The following FHIT variants were observed in gnomAD, a reference collection of about 807,000 sequenced individuals.
FHIT encodes the protein bis(5'-adenosyl)-triphosphatase.
Under a neutral mutation model 17.9 loss-of-function variants are expected in FHIT, and 19 were observed. That is an observed-to-expected ratio of 1.06 (90% CI 0.74 to 1.56). The LOEUF (loss-of-function observed/expected upper bound fraction) is 1.56, where lower values mean the gene tolerates loss of function less well. Ranked by LOEUF, FHIT falls within the 40% of genes most tolerant of loss-of-function variation. The pLI is 0.00. For synonymous variants in FHIT, 81 were observed against 69.7 expected, an observed-to-expected ratio of 1.16 and a Z score of -0.81; for missense variants, 248 against 189.2, an observed-to-expected ratio of 1.31 and a Z score of -1.82.
At chr3:60,190,339 GGAGT>G (rs1702345723) in intron 5 of FHIT, among the ~76,000 whole-genome samples, 1 of 151,650 alleles carries the variant, frequency 6.6e-6, no homozygotes, top group South Asian at 2.1e-4. Context: ...CCAGAGAGTG[GGAGT>G]GAGATGAGAC....
intron 2 of FHIT, among the ~76,000 whole-genome samples, chr3:61,195,966 A>C (rs1233372985): frequency 6.6e-6 from 1 of 152,138 alleles, no homozygotes; most frequent in Non-Finnish European, 1.5e-5. Context: ...CATAACAAAT[A>C]CCATTCGGCT....
Position 60,122,211 on chromosome 3 carries a change from A to G in FHIT, c.104-108059T>C, listed in dbSNP as rs1010154569. Reference sequence around the variant, plus strand: ...ATTACTCTAGAAAGAAGTGTTCAGCATTCTAATAAAAACATTATATTAGTA... The same window carrying G: ...ATTACTCTAGAAAGAAGTGTTCAGCGTTCTAATAAAAACATTATATTAGTA... On this transcript the variant is annotated intron_variant, in intron 5 of 9. Transcript: ENST00000492590. Among the ~76,000 whole-genome samples, 18 of 152,198 alleles carry G rather than the reference A, an allele frequency of 1.2e-4. 1 individual carries two copies. Among genetic ancestry groups the G allele is most frequent in the Non-Finnish European group, 5.9e-5 (4 of 68,044 alleles).
At chr3:60,537,358 A>T in intron 4 of FHIT, 1 of 487,024 alleles carries the variant, frequency 2.1e-6, no homozygotes, top group Non-Finnish European at 2.7e-6. Context: ...GAAAATTTTC[A>T]TTAAGTATTA....
At chr3:59,799,723 T>G (rs1427926977) in intron 8 of FHIT, among the ~76,000 whole-genome samples, 2 of 152,238 alleles carry the variant, frequency 1.3e-5, no homozygotes, top group African/African-American at 2.4e-5. Context: ...AACTTGGGAT[T>G]CACTATTCCT....
intron 5 of FHIT, among the ~76,000 whole-genome samples, chr3:60,468,426 T>G (rs934573873): frequency 1.3e-5 from 2 of 152,140 alleles, no homozygotes; most frequent in African/African-American, 4.8e-5. Context: ...TCAAGTGATA[T>G]GTTTTTATTG....
At chr3:60,550,017 G>C (rs1191924942) in intron 4 of FHIT, among the ~76,000 whole-genome samples, 1 of 152,112 alleles carries the variant, frequency 6.6e-6, no homozygotes, top group African/African-American at 2.4e-5. Context: ...ACCAACTGGA[G>C]AGTAGGTTTC....
chr3:60,095,640 T>A (rs774120446), intron 5 of FHIT, among the ~76,000 whole-genome samples: 1 of 152,172 alleles, frequency 6.6e-6, no homozygotes, highest in Non-Finnish European at 1.5e-5. Context: ...AGGGACTGAA[T>A]CCGGTTCTCA....
chr3:60,415,036 G>T (rs1702193387), intron 5 of FHIT, among the ~76,000 whole-genome samples: 1 of 152,156 alleles, frequency 6.6e-6, no homozygotes, highest in Non-Finnish European at 1.5e-5. Context: ...GGAATCAGAT[G>T]AAGTGAGGCC....
At chr3:60,011,959 C>A (rs1248660929) in intron 6 of FHIT, among the ~76,000 whole-genome samples, 1 of 152,164 alleles carries the variant, frequency 6.6e-6, no homozygotes, top group Non-Finnish European at 1.5e-5. Flanking sequence ...AATGGGCAAA[C>A]TCACCAAGTC....
intron 5 of FHIT, among the ~76,000 whole-genome samples, chr3:60,438,131 C>T (rs1433294964): frequency 1.3e-5 from 2 of 152,074 alleles, no homozygotes; most frequent in African/African-American, 2.4e-5. Context: ...TAAGCCCCAG[C>T]ATTTGCACCG....
chr3:60,699,525 G>T (rs1553701482), intron 4 of FHIT, among the ~76,000 whole-genome samples: 1 of 152,046 alleles, frequency 6.6e-6, no homozygotes, highest in Non-Finnish European at 1.5e-5. Flanking sequence ...TCATTATTCA[G>T]ATACGTTTCA....
intron 2 of FHIT, among the ~76,000 whole-genome samples, chr3:61,060,821 G>C (rs138854880): frequency 2.0e-5 from 3 of 152,192 alleles, no homozygotes; most frequent in Non-Finnish European, 4.4e-5. Context: ...TTACAGCCTG[G>C]CTGGCTTTTC....
intron 7 of FHIT, among the ~76,000 whole-genome samples, chr3:59,986,540 T>TATATATATACACACACACAC (rs1473518719): frequency 4.0e-4 from 5 of 12,412 alleles, no homozygotes; most frequent in African/African-American, 7.1e-4. Context: ...TATATATATA[T>TATATATATACACACACACAC]ACACACACAC....
intron 4 of FHIT, among the ~76,000 whole-genome samples, chr3:60,630,641 G>A (rs191426724): frequency 7.9e-5 from 12 of 151,990 alleles, no homozygotes; most frequent in Admixed American, 2.6e-4. Flanking sequence ...TGAGCCTTAC[G>A]CCATCCCTGA....
intron 3 of FHIT, among the ~76,000 whole-genome samples, chr3:60,863,218 G>A (rs1172386226): frequency 1.3e-5 from 2 of 152,172 alleles, no homozygotes; most frequent in African/African-American, 2.4e-5. Context: ...GTGGAGCCCT[G>A]CCTAACAGAC....
rs542720707 is a variant in FHIT, at chr3:60,492,609, C to T, written c.103+44251G>A. ...GCAACCGCCACCTCCCAGGTTCAAG[C>T]GATTCGCCTGCCTCAGTCTCCCAAG... On this transcript the variant is annotated intron_variant, in intron 5 of 9. Transcript: ENST00000492590. Among the ~76,000 whole-genome samples, 117 of 151,206 alleles carry T rather than the reference C, an allele frequency of 7.7e-4. 1 individual carries two copies. The South Asian group carries it at 0.017, about 22-fold the overall frequency.
Position 59,810,194 on chromosome 3 carries a change from G to A in FHIT, c.349-57873C>T, listed in dbSNP as rs140302630. 1.8e-4 allele frequency among the ~76,000 whole-genome samples: 28 copies of A among 152,224 alleles called. No individual in the cohort carries two copies. The Middle Eastern group carries it at 0.027, about 149-fold the overall frequency. ...TGAAAGCCATCGTCATTTGTGTGAG[G>A]AGGAGTACTGGAGGAGCTGTCTTAC... On this transcript the variant is annotated intron_variant, in intron 8 of 9. Transcript: ENST00000492590.
chr3:60,111,504 G>C (rs966695928), intron 5 of FHIT, among the ~76,000 whole-genome samples: 3 of 152,154 alleles, frequency 2.0e-5, no homozygotes, highest in African/African-American at 7.2e-5. Context: ...GTTTCTTCCA[G>C]CAATGTAATT....
intron 2 of FHIT, among the ~76,000 whole-genome samples, chr3:61,132,126 A>G (rs1474993744): frequency 6.6e-6 from 1 of 152,216 alleles, no homozygotes; most frequent in Non-Finnish European, 1.5e-5. Context: ...TGCTAAGCTG[A>G]GTATGGAGGC....
Sources: gnomAD v4.1 joint callset for allele counts (sites outside exome capture counted in the v4.1 genomes callset) on GRCh38, gnomAD v4.1.1 for gene constraint, MANE v1.5 for transcripts, NCBI Gene and HGNC (gene_info 2026-07-23, HGNC 2026-07-21) for gene names.